Variants in RASGRF1 observed in about 807,000 individuals in gnomAD.
RASGRF1 encodes ras-specific guanine nucleotide-releasing factor 1.
Under a neutral mutation model 138.7 loss-of-function variants are expected in RASGRF1, and 40 were observed. That is an observed-to-expected ratio of 0.29 (90% CI 0.22 to 0.38). RASGRF1 has a LOEUF of 0.38. RASGRF1 is among the 10% of genes least tolerant of loss of function. The pLI is 1.00. For missense variants in RASGRF1, 1,108 were observed against 1,650.4 expected, an observed-to-expected ratio of 0.67 and a Z score of 5.69; for synonymous variants, 614 against 663.2, an observed-to-expected ratio of 0.93 and a Z score of 1.14.
At position 79,004,014 on chromosome 15, in the gene RASGRF1, G is replaced by A; in HGVS notation, c.2237C>T (p.Pro746Leu). 6.2e-7 allele frequency: 1 copy of A among 1,614,180 alleles called. No individual in the cohort carries two copies. The highest frequency in any genetic ancestry group is 8.5e-7 in the Non-Finnish European group (1 of 1,180,028). ...SRRRKLSLNI[P>L]IITGGKALDL... ...CAGGGCCTTGCCGCCAGTGATGATG[G>A]GGATGTTCAGGGAGAGCTTCCGCCG... Residue 746 changes from proline (P) to leucine (L), a missense_variant, in exon 15 of 27, where the codon CCC (proline) becomes CTC (leucine). By Grantham distance (98) the Pro-to-Leu change is moderately conservative. Around this residue, in one of 3 missense-constraint regions of RASGRF1, gnomAD observed 686 missense variants for 976.7 expected, o/e 0.70. Transcript: ENST00000558480.
At chr15:79,025,499 G>A in intron 9 of RASGRF1, 25 bp from the exon 10 acceptor site, 1 of 1,602,932 alleles carries the variant, frequency 6.2e-7, no homozygotes, top group Non-Finnish European at 8.5e-7. Context: ...GAGAGACCCT[G>A]AGCCCATCTC....
chr15:79,004,149 C>A lies in RASGRF1; in HGVS notation c.2102G>T (p.Gly701Val), dbSNP rs764386733. 7.5e-6 allele frequency: 12 copies of A among 1,593,950 alleles called. No homozygotes were observed. The highest frequency in any genetic ancestry group is 1.7e-5 in the Admixed American group (1 of 58,800). ...ARSLELLFAS[G>V]QNNKLLYGEP... ...ACCGTACAGGAGCTTATTGTTCTGGCCACTGGCAAACAGGAGCTCCAGCGA... is the reference window on the plus strand; with the variant it reads ...ACCGTACAGGAGCTTATTGTTCTGGACACTGGCAAACAGGAGCTCCAGCGA... Residue 701 changes from glycine (G) to valine (V), a missense_variant, in exon 15 of 27, where the codon GGC becomes GTC. Gly to Val is a moderately radical substitution (Grantham distance 109). Coordinates refer to ENST00000558480, the MANE Select transcript of RASGRF1 (RefSeq NM_001145648.3).
At chr15:78,963,989 T>C (rs1363714609) in intron 26 of RASGRF1, among the ~76,000 whole-genome samples, 2 of 151,904 alleles carry the variant, frequency 1.3e-5, no homozygotes, top group African/African-American at 4.8e-5. Flanking sequence ...AGTGAGCATG[T>C]GCAGGATCAA....
intron 11 of RASGRF1, 60 bp from the exon 12 acceptor site, chr15:79,017,966 A>G (rs779007018): frequency 3.6e-5 from 57 of 1,597,974 alleles, no homozygotes; most frequent in Non-Finnish European, 4.4e-5. Context: ...CAGGTGGAAA[A>G]TGTTTTAGTG....
At chr15:78,997,123 AC>A (rs1174887185) in intron 19 of RASGRF1, among the ~76,000 whole-genome samples, 7 of 152,168 alleles carry the variant, frequency 4.6e-5, no homozygotes, top group African/African-American at 1.7e-4. Flanking sequence ...CAGAGCGGGG[AC>A]TTGCCCAGGT....
rs2056532770 is a variant in RASGRF1 at position 79,001,770 on chromosome 15, T to C, written c.2467A>G (p.Arg823Gly). ...LSKQSSEVSM[R>G]EESDIDQNQS... Reference sequence around the variant, plus strand: ...TTTTGATCAATATCTGACTCCTCTCTCATGGAGACTTCTGAGCCTGGGAGA... The same window carrying C: ...TTTTGATCAATATCTGACTCCTCTCCCATGGAGACTTCTGAGCCTGGGAGA... Residue 823 changes from arginine (R) to glycine (G), a missense_variant, in exon 16 of 27, where the codon AGA becomes GGA. By Grantham distance (125) the Arg-to-Gly change is moderately radical. This residue lies in a region of RASGRF1 where 686 missense variants were observed against 976.7 expected (regional missense o/e 0.70). Coordinates refer to ENST00000558480, the MANE Select transcript of RASGRF1 (RefSeq NM_001145648.3). 2 of 1,564,026 alleles carry C rather than the reference T, an allele frequency of 1.3e-6. No individual in the cohort carries two copies. Among genetic ancestry groups the C allele is most frequent in the Non-Finnish European group, 8.7e-7 (1 of 1,150,174 alleles).
intron 13 of RASGRF1, among the ~76,000 whole-genome samples, chr15:79,007,354 A>G (rs2056700713): frequency 6.6e-6 from 1 of 152,166 alleles, no homozygotes; most frequent in Non-Finnish European, 1.5e-5. Flanking sequence ...TTGGTCATCC[A>G]ATGGGAGCTA....
At chr15:79,043,611 T>C (rs757920677) in intron 5 of RASGRF1, among the ~76,000 whole-genome samples, 1 of 152,170 alleles carries the variant, frequency 6.6e-6, no homozygotes, top group African/African-American at 2.4e-5. Flanking sequence ...ATAAGATTGC[T>C]AAAGTAGGCA....
At chr15:79,075,264 C>T (rs1309933000) in intron 1 of RASGRF1, among the ~76,000 whole-genome samples, 1 of 152,236 alleles carries the variant, frequency 6.6e-6, no homozygotes, top group Admixed American at 6.5e-5. Context: ...TCAGAAATCA[C>T]ATCTGGGGTT....
chr15:78,975,394 TAA>T (rs565497293), intron 24 of RASGRF1, among the ~76,000 whole-genome samples: 1 of 122,018 alleles, frequency 8.2e-6, no homozygotes. Flanking sequence ...GCTTTGTGAT[TAA>T]AAAAAAAAAG....
chr15:79,019,951 A>T, intron 11 of RASGRF1, 90 bp downstream of exon 11: 1 of 1,514,938 alleles, frequency 6.6e-7, no homozygotes, highest in South Asian at 1.2e-5. Context: ...ATTCCTCCCA[A>T]AGAAACTAAT....
Position 79,027,987 on chromosome 15 carries a change from G to A in RASGRF1, c.1263-128C>T. On this transcript the variant is annotated intron_variant, in intron 8 of 26. Transcript: ENST00000558480. The surrounding 1 kb of genome is among the most constrained non-coding windows in gnomAD (Gnocchi z 4.8). ...CAAGGATTCTCAGGTGGAGTCTGTGGTCATGGAGGGGAAGGGAGTGTGCAT... is the reference window on the plus strand; with the variant it reads ...CAAGGATTCTCAGGTGGAGTCTGTGATCATGGAGGGGAAGGGAGTGTGCAT... The A allele has an allele frequency of 2.2e-6, 2 of 922,362 alleles. No individual in the cohort carries two copies. The highest frequency in any genetic ancestry group is 2.4e-5 in the East Asian group (1 of 41,460). 57.1% of individuals were successfully genotyped at this position (922,362 alleles called of 1,614,324 possible).
At chr15:79,069,853 A>G (rs2057731447) in intron 1 of RASGRF1, among the ~76,000 whole-genome samples, 1 of 152,208 alleles carries the variant, frequency 6.6e-6, no homozygotes, top group East Asian at 1.9e-4. Flanking sequence ...CACAGACATT[A>G]TAATTATTTT....
At chr15:79,064,763 A>AC in intron 1 of RASGRF1, 1 of 520,582 alleles carries the variant, frequency 1.9e-6, no homozygotes, top group South Asian at 2.4e-5. Context: ...GAAACAAAAC[A>AC]CACAAAGCCC....
intron 1 of RASGRF1, among the ~76,000 whole-genome samples, chr15:79,071,065 C>T (rs538372188): frequency 1.1e-4 from 17 of 152,282 alleles, no homozygotes; most frequent in Middle Eastern, 3.4e-3. Context: ...GCTGGGCTGC[C>T]GATGCTCATG....
At chr15:79,068,890 C>T (rs1567609796) in intron 1 of RASGRF1, among the ~76,000 whole-genome samples, 2 of 152,088 alleles carry the variant, frequency 1.3e-5, no homozygotes, top group African/African-American at 2.4e-5. Flanking sequence ...TGAACCCCAG[C>T]AGAGGCCAGG....
intron 3 of RASGRF1, among the ~76,000 whole-genome samples, chr15:79,054,748 G>A (rs1045168913): frequency 6.6e-6 from 1 of 152,196 alleles, no homozygotes; most frequent in Non-Finnish European, 1.5e-5. Flanking sequence ...CAGATTTGGA[G>A]GGTGTTACTG....
chr15:79,090,143 G>T, intron 1 of RASGRF1, 80 bp downstream of exon 1: 2 of 1,449,584 alleles, frequency 1.4e-6, no homozygotes, highest in South Asian at 1.4e-5. Flanking sequence ...AAGTTCAAGC[G>T]CCATCAGCCA....
intron 3 of RASGRF1, among the ~76,000 whole-genome samples, chr15:79,057,153 C>T (rs1335340372): frequency 1.3e-5 from 2 of 152,268 alleles, no homozygotes; most frequent in Non-Finnish European, 2.9e-5. Flanking sequence ...CAGCAGATGC[C>T]TGGGCATAGG....
Sources: allele counts gnomAD v4.1 joint callset (sites outside exome capture counted in the v4.1 genomes callset), GRCh38; gene constraint gnomAD v4.1.1; regional missense constraint gnomAD v4.1.1; non-coding constraint Gnocchi (gnomAD v3.1); transcripts MANE v1.5; gene names NCBI Gene and HGNC (gene_info 2026-07-23, HGNC 2026-07-21).